Variants in RBFOX1 observed in about 807,000 individuals in gnomAD.
RBFOX1 encodes the protein RNA binding protein fox-1 homolog 1.
A neutral mutation model predicts 57.7 loss-of-function variants in RBFOX1; 8 were observed. The ratio of observed to expected loss-of-function variants is 0.14; its 90% confidence interval spans 0.08 to 0.25. The LOEUF (loss-of-function observed/expected upper bound fraction) is 0.25, where lower values mean the gene tolerates loss of function less well. Ranked by LOEUF, RBFOX1 falls within the 10% of genes least tolerant of loss-of-function variation. The pLI is 1.00. For synonymous variants in RBFOX1, 326 were observed against 222.4 expected (o/e 1.47, Z -4.15); for missense variants, 611 against 548.5 (o/e 1.11, Z -1.14).
chr16:6,396,765 T>G (rs1464023718), intron 2 of RBFOX1, among the ~76,000 whole-genome samples: 1 of 152,156 alleles, frequency 6.6e-6, no homozygotes, highest in Non-Finnish European at 1.5e-5. Flanking sequence ...ACATTACTCA[T>G]AGTCATGAGA....
At chr16:5,821,523 C>G (rs1395614861) in intron 3 of RBFOX1, among the ~76,000 whole-genome samples, 1 of 151,986 alleles carries the variant, frequency 6.6e-6, no homozygotes, top group Non-Finnish European at 1.5e-5. Flanking sequence ...GGCTTGTGTC[C>G]AGCTCCTGGG....
In RBFOX1 at chr16:5,947,962, T is replaced by C. The variant is rs2059437482; in HGVS notation, c.351+80627T>C. Among the ~76,000 whole-genome samples the C allele has an allele frequency of 1.3e-5, 2 of 152,210 alleles. No individual in the cohort carries two copies. Among genetic ancestry groups the C allele is most frequent in the Admixed American group, 1.3e-4 (2 of 15,278 alleles). The stretch of plus-strand genomic sequence containing the variant: ...TGCAAATGCATCACCAGATTCTTGA[T>C]TGAATTCCCTTTTGACCGTGGCGCT... On this transcript the variant is annotated intron_variant, in intron 4 of 19. Transcript: ENST00000641259. This position sits in a 1 kb window ranked among gnomAD's most constrained non-coding sequence, Gnocchi z 7.2.
intron 4 of RBFOX1, among the ~76,000 whole-genome samples, chr16:7,055,918 C>G (rs1375857641): frequency 6.6e-6 from 1 of 152,134 alleles, no homozygotes; most frequent in Admixed American, 6.6e-5. Flanking sequence ...TTTGTGAATT[C>G]TGGTTTGTGG....
intron 2 of RBFOX1, among the ~76,000 whole-genome samples, chr16:6,564,858 C>T (rs974529586): frequency 3.9e-5 from 6 of 152,106 alleles, no homozygotes; most frequent in Non-Finnish European, 7.4e-5. Context: ...AAAGCATTTG[C>T]GGCTGGGCAC....
chr16:5,372,889 A>G (rs973906215), intron 1 of RBFOX1, among the ~76,000 whole-genome samples: 1 of 152,246 alleles, frequency 6.6e-6, no homozygotes, highest in African/African-American at 2.4e-5. Context: ...CACACTCTGC[A>G]TGTTAGCATG....
chr16:5,584,311 G>A (rs1018955029), intron 2 of RBFOX1, among the ~76,000 whole-genome samples: 1 of 152,176 alleles, frequency 6.6e-6, no homozygotes, highest in Non-Finnish European at 1.5e-5. Context: ...TTGTCCTTGG[G>A]AAAACTTGAG....
chr16:7,426,048 G>A (rs1312342201), intron 4 of RBFOX1, among the ~76,000 whole-genome samples: 2 of 152,156 alleles, frequency 1.3e-5, no homozygotes, highest in African/African-American at 4.8e-5. Flanking sequence ...ACCCACTGAG[G>A]CAAAGCACTA....
At chr16:6,990,455 T>C (rs970377774) in intron 3 of RBFOX1, among the ~76,000 whole-genome samples, 5 of 151,778 alleles carry the variant, frequency 3.3e-5, no homozygotes, top group Admixed American at 2.6e-4. Context: ...AACCTGGGAG[T>C]TGGAGTTTGC....
chr16:7,382,289 T>A (rs2148003037), intron 4 of RBFOX1, among the ~76,000 whole-genome samples: 1 of 152,364 alleles, frequency 6.6e-6, no homozygotes, highest in South Asian at 2.1e-4. Flanking sequence ...TTATCTCATT[T>A]CATAAATTAT....
At chr16:5,363,231 G>T (rs1445573977) in intron 1 of RBFOX1, among the ~76,000 whole-genome samples, 1 of 146,768 alleles carries the variant, frequency 6.8e-6, no homozygotes, top group Non-Finnish European at 1.5e-5. Flanking sequence ...TTTTAGTAGA[G>T]ACAGGATTTC....
intron 3 of RBFOX1, among the ~76,000 whole-genome samples, chr16:6,810,596 G>A (rs2154266023): frequency 6.6e-6 from 1 of 152,040 alleles, no homozygotes; most frequent in East Asian, 1.9e-4. Flanking sequence ...GTGCTATAAA[G>A]AGCTATAAAG....
At chr16:5,790,445 G>T (rs1403233620) in intron 3 of RBFOX1, among the ~76,000 whole-genome samples, 1 of 149,886 alleles carries the variant, frequency 6.7e-6, no homozygotes, top group Non-Finnish European at 1.5e-5. Flanking sequence ...AGAAACAGGA[G>T]CTCAAAGGAA....
intron 4 of RBFOX1, among the ~76,000 whole-genome samples, chr16:7,357,344 A>T (rs543245762): frequency 1.7e-4 from 26 of 152,320 alleles, no homozygotes; most frequent in Non-Finnish European, 2.8e-4. Flanking sequence ...TTTTTAGAGA[A>T]ACTGATGATG....
At chr16:6,906,724 A>ATT (rs200335697) in intron 3 of RBFOX1, among the ~76,000 whole-genome samples, 2,772 of 141,912 alleles carry the variant, frequency 0.02, 86 homozygotes, top group African/African-American at 0.059. Context: ...TTGCAGAACT[A>ATT]TTTTTTTTTT....
chr16:6,637,882 G>C (rs1169174255), intron 2 of RBFOX1, among the ~76,000 whole-genome samples: 2 of 152,054 alleles, frequency 1.3e-5, no homozygotes, highest in Non-Finnish European at 2.9e-5. Flanking sequence ...GAAAAGTGGA[G>C]ACAGTGAATT....
chr16:6,618,916 G>A (rs559916516), intron 2 of RBFOX1, among the ~76,000 whole-genome samples: 155 of 152,218 alleles, frequency 1.0e-3, no homozygotes, highest in Middle Eastern at 3.4e-3. Context: ...AGGGCCATCC[G>A]TAAAAACAGA....
intron 4 of RBFOX1, among the ~76,000 whole-genome samples, chr16:7,343,066 G>T (rs552383169): frequency 3.3e-5 from 5 of 152,096 alleles, no homozygotes; most frequent in African/African-American, 9.7e-5. Flanking sequence ...TGTCCCCTCC[G>T]TTCCATGTGG....
chr16:6,530,799 C>T (rs1387301610), intron 2 of RBFOX1, among the ~76,000 whole-genome samples: 2 of 150,646 alleles, frequency 1.3e-5, no homozygotes, highest in Admixed American at 6.6e-5. Context: ...ACTAAAACAG[C>T]ACGGGAAACA....
chr16:5,276,566 C>T (rs565161661), intron 1 of RBFOX1, among the ~76,000 whole-genome samples: 28 of 152,256 alleles, frequency 1.8e-4, no homozygotes, highest in African/African-American at 6.0e-4. Flanking sequence ...GGGTGTATCA[C>T]GAGGTCAGGA....
Sources: gnomAD v4.1 joint callset for allele counts (sites outside exome capture counted in the v4.1 genomes callset) on GRCh38, gnomAD v4.1.1 for gene constraint, Gnocchi (gnomAD v3.1) non-coding constraint, MANE v1.5 for transcripts, NCBI Gene and HGNC (gene_info 2026-07-23, HGNC 2026-07-21) for gene names.